The following FAAP100 variants were observed in gnomAD, a reference collection of about 807,000 sequenced individuals.
The protein encoded by FAAP100 is FA core complex associated protein 100.
A neutral mutation model predicts 65.8 loss-of-function variants in FAAP100; 46 were observed. That is an observed-to-expected ratio of 0.70 (90% CI 0.55 to 0.89). FAAP100 has a LOEUF of 0.89. FAAP100 is among the 40% of genes least tolerant of loss of function. The probability of loss-of-function intolerance (pLI) is 0.00; values close to 1 mark genes in which losing one functional copy is unlikely to be tolerated. For missense variants in FAAP100, 1,165 were observed against 1,196.7 expected (o/e 0.97, Z 0.39); for synonymous variants, 663 against 555.1 (o/e 1.19, Z -2.73).
chr17:81,552,360 C>T (rs758146418), upstream of FAAP100: 443 of 1,313,982 alleles, frequency 3.4e-4, no homozygotes, highest in Non-Finnish European at 4.0e-4. Context: ...GAGTGAGAAG[C>T]CCCGGCCGCG....
At chr17:81,547,718 C>A (rs747134214) in intron 4 of FAAP100, 40 bp from the exon 5 acceptor site, 1 of 1,593,748 alleles carries the variant, frequency 6.3e-7, no homozygotes. Context: ...CGGGGGGACA[C>A]CCACAGCACC....
rs1031881116 is a variant in FAAP100, at chr17:81,551,908, G to A, written c.290+20C>T. ...GGGCAGCAGGAGTGTGCGGGAGGGA[G>A]GCCGCGGGCCCGCCCTCACCTGCTC... On this transcript the variant is annotated intron_variant, in intron 2 of 8. Transcript: ENST00000327787. The A allele has an allele frequency of 1.3e-6, 2 of 1,534,610 alleles. No homozygotes were observed. The highest frequency in any genetic ancestry group is 2.8e-5 in the African/African-American group (2 of 70,598).
At position 81,547,488 on chromosome 17, in the gene FAAP100, T is replaced by C; in HGVS notation, c.1594A>G (p.Ser532Gly). Residue 532 changes from serine (S) to glycine (G), a missense_variant, in exon 5 of 9, where the codon AGC (serine) becomes GGC (glycine). By Grantham distance (56) the Ser-to-Gly change is moderately conservative (BLOSUM62 0). Transcript: ENST00000327787. ...CCCTGGTCCAGGCTGAAGCTGCTGCTGTTCTCTAGCACGCAGGTGGCCATG... is the reference window on the plus strand; with the variant it reads ...CCCTGGTCCAGGCTGAAGCTGCTGCCGTTCTCTAGCACGCAGGTGGCCATG... Reference protein sequence around the residue: ...VLMATCVLENSSSFSLDQGWT... With the variant: ...VLMATCVLENGSSFSLDQGWT... 1 of 1,613,380 alleles carries C rather than the reference T, an allele frequency of 6.2e-7. No homozygotes were observed. Among genetic ancestry groups the C allele is most frequent in the Non-Finnish European group, 8.5e-7 (1 of 1,180,018 alleles).
chr17:81,551,364 G>A (rs2033488749), intron 2 of FAAP100, among the ~76,000 whole-genome samples, 161 bp from the exon 3 acceptor site: 1 of 152,208 alleles, frequency 6.6e-6, no homozygotes, highest in African/African-American at 2.4e-5. Flanking sequence ...CCTTCCCCAC[G>A]AAGGATACTC....
rs1444055960 is a variant in FAAP100, at chr17:81,550,951, T to G, written c.543A>C (p.Pro181=). The change falls in exon 3 of 9, where the codon CCA becomes CCC. Residue 181 remains proline, a synonymous_variant. Coordinates refer to ENST00000327787, the MANE Select transcript of FAAP100 (RefSeq NM_025161.6). ...GEVELSSYTP[P]AGVPGKPAAP... Reference sequence around the variant, plus strand: ...CTGCAGGCTTTCCTGGGACCCCGGCTGGGGGCGTGTAGGAGGACAGCTCCA... The same window carrying G: ...CTGCAGGCTTTCCTGGGACCCCGGCGGGGGGCGTGTAGGAGGACAGCTCCA... The G allele has an allele frequency of 2.5e-6, 4 of 1,612,184 alleles. No individual in the cohort carries two copies. Among genetic ancestry groups the G allele is most frequent in the Non-Finnish European group, 3.4e-6 (4 of 1,179,694 alleles).
At chr17:81,543,876 C>G (rs983693557) in intron 7 of FAAP100, 128 bp downstream of exon 7, 31 of 862,630 alleles carry the variant, frequency 3.6e-5, no homozygotes, top group Middle Eastern at 2.4e-4. Context: ...GCAGAGCAGA[C>G]TTGGATCTTC....
In FAAP100 at chr17:81,547,238, G is replaced by A; in HGVS notation, c.1844C>T (p.Ala615Val). 1.3e-6 allele frequency: 2 copies of A among 1,586,172 alleles called. No homozygotes were observed. Among genetic ancestry groups the A allele is most frequent in the South Asian group, 2.3e-5 (2 of 87,252 alleles). ...AAAGGGGTCCTCAGAGTCTGAGGGG[G>A]CAAGGGCCCCGCCCACCACCTCCCT... is the stretch of plus-strand genomic sequence containing the variant. ...SLREVVGGAL[A>V]PSDSEDPFLD... Residue 615 changes from alanine to valine, a missense_variant, in exon 5 of 9, where the codon GCC becomes GTC. Physicochemically the swap from Ala to Val is moderately conservative, Grantham distance 64 (BLOSUM62 0). Transcript: ENST00000327787.
chr17:81,550,934 T>C lies in FAAP100; in HGVS notation c.560A>G (p.Lys187Arg), dbSNP rs1244363382. 1 of 1,612,218 alleles carries C rather than the reference T, an allele frequency of 6.2e-7. No homozygotes were observed. Among genetic ancestry groups the C allele is most frequent in the East Asian group, 2.2e-5 (1 of 44,890 alleles). ...SYTPPAGVPGKPAAPHFLPVL... is the reference protein window; with the variant it reads ...SYTPPAGVPGRPAAPHFLPVL... Reference sequence around the variant, plus strand: ...TGGAAGGAAGTGGGGGGCTGCAGGCTTTCCTGGGACCCCGGCTGGGGGCGT... The same window carrying C: ...TGGAAGGAAGTGGGGGGCTGCAGGCCTTCCTGGGACCCCGGCTGGGGGCGT... Residue 187 changes from lysine (K) to arginine (R), a missense_variant, in exon 3 of 9, where the codon AAG becomes AGG. Coordinates refer to ENST00000327787, the MANE Select transcript of FAAP100 (RefSeq NM_025161.6).
In FAAP100 at chr17:81,551,197, C is replaced by G. The variant is rs565931836; in HGVS notation, c.297G>C (p.Thr99=). ...SLDHPGRSRS[T]SQDDRDSEDG... is the part of the protein sequence containing the mutation. Reference sequence around the variant, plus strand: ...CCTCGCTGTCCCTGTCATCCTGGCTCGTAGACCTTTGAGAACAGGGACGCA... The same window carrying G: ...CCTCGCTGTCCCTGTCATCCTGGCTGGTAGACCTTTGAGAACAGGGACGCA... Residue 99 remains threonine, a synonymous_variant, in exon 3 of 9, where the codon ACG becomes ACC. Transcript: ENST00000327787. 6.6e-7 allele frequency: 1 copy of G among 1,519,274 alleles called. No homozygotes were observed. The highest frequency in any genetic ancestry group is 8.9e-7 in the Non-Finnish European group (1 of 1,126,476). The allele number at this position is 1,519,274 out of a possible 1,614,324, so 94.1% of individuals were successfully genotyped here.
intron 6 of FAAP100, 29 bp from the exon 7 acceptor site, chr17:81,544,149 G>C: frequency 1.3e-6 from 2 of 1,559,972 alleles, no homozygotes. Flanking sequence ...CTCACTGCCT[G>C]CCTGTGGCAC....
chr17:81,546,117 C>T (rs1039768230), intron 5 of FAAP100, among the ~76,000 whole-genome samples: 2 of 152,236 alleles, frequency 1.3e-5, no homozygotes, highest in African/African-American at 4.8e-5. Flanking sequence ...GTGGCAGTTA[C>T]GATCTGTGGA....
rs765480611 is a variant in FAAP100, at chr17:81,550,836, G to A, written c.658C>T (p.Leu220=). 2 of 1,612,254 alleles carry A rather than the reference G, an allele frequency of 1.2e-6. No homozygotes were observed. The highest frequency in any genetic ancestry group is 1.7e-5 in the Admixed American group (1 of 59,900). The part of the protein sequence containing the change: ...DLLGGSGGFT[L]EDALFGLLFG... ...AGGAGCCCGAAGAGGGCGTCCTCCA[G>A]CGTGAAGCCCCCGGAGCCCCCGAGG... Residue 220 remains leucine (L), a synonymous_variant, in exon 3 of 9, where the codon CTG becomes TTG. Transcript: ENST00000327787.
chr17:81,546,613 C>T (rs947768069), intron 5 of FAAP100: 1 of 351,650 alleles, frequency 2.8e-6, no homozygotes. Flanking sequence ...GCAGGCGAAG[C>T]TCATTTCCTG....
At position 81,540,833 on chromosome 17, in the gene FAAP100, G is replaced by C. The variant is rs776815285; in HGVS notation, c.2632C>G (p.Leu878Val). ...QVYRQLRHPS[L>V]ILL The stretch of plus-strand genomic sequence containing the variant: ...GGCCCGCCTGGTCACAGCAGGATGA[G>C]GCTGGGGTGGCGCAGCTGCCGGTAC... The change falls in exon 9 of 9, where the codon CTC becomes GTC. Residue 878 changes from leucine (L) to valine (V), a missense_variant. Physicochemically the swap from Leu to Val is conservative, Grantham distance 32. Transcript: ENST00000327787. The C allele has an allele frequency of 2.0e-6, 3 of 1,536,056 alleles. No homozygotes were observed. The highest frequency in any genetic ancestry group is 4.9e-5 in the East Asian group (2 of 40,852).
chr17:81,540,735 C>G lies in FAAP100; in HGVS notation c.*84G>C. 7.1e-7 allele frequency: 1 copy of G among 1,408,030 alleles called. No individual in the cohort carries two copies. The highest frequency in any genetic ancestry group is 2.6e-5 in the East Asian group (1 of 38,490). The allele number at this position is 1,408,030 out of a possible 1,614,324, so 87.2% of individuals were successfully genotyped here. On this transcript the variant is annotated 3_prime_UTR_variant, in exon 9 of 9. Coordinates refer to ENST00000327787, the MANE Select transcript of FAAP100 (RefSeq NM_025161.6). The stretch of plus-strand genomic sequence containing the variant: ...CCTGACGGCTCTGGCCAGGCCAGCT[C>G]GGTTTCCCTCTAACCCATGAGGCCT...
Position 81,550,856 on chromosome 17 carries a change from C to G in FAAP100, c.638G>C (p.Gly213Ala), listed in dbSNP as rs1272908081. Residue 213 changes from glycine (G) to alanine (A), a missense_variant, in exon 3 of 9, where the codon GGG (glycine) becomes GCG (alanine). Transcript: ENST00000327787. ...CTCCAGCGTGAAGCCCCCGGAGCCC[C>G]CGAGGAGGTCGTGCGGGACCCTGGA... ...SGSRVPHDLLGGSGGFTLEDA... is the reference protein window; with the variant it reads ...SGSRVPHDLLAGSGGFTLEDA... 1 of 1,612,114 alleles carries G rather than the reference C, an allele frequency of 6.2e-7. No individual in the cohort carries two copies. Among genetic ancestry groups the G allele is most frequent in the Non-Finnish European group, 8.5e-7 (1 of 1,179,644 alleles).
At position 81,551,343 on chromosome 17, in the gene FAAP100, A is replaced by T. The variant is rs3924327; in HGVS notation, c.291-140T>A. 3 of 796,972 alleles carry T rather than the reference A, an allele frequency of 3.8e-6. No homozygotes were observed. The East Asian group carries it at 8.7e-5, about 23-fold the overall frequency. The allele number at this position is 796,972 out of a possible 1,614,324, so 49.4% of individuals were successfully genotyped here. ...GGCCGCTCAGCAGTCCATCTGCCACATGGCCTCCCACCTTCCCCACGAAGG... is the reference window on the plus strand; with the variant it reads ...GGCCGCTCAGCAGTCCATCTGCCACTTGGCCTCCCACCTTCCCCACGAAGG... On this transcript the variant is annotated intron_variant, in intron 2 of 8. Coordinates refer to ENST00000327787, the MANE Select transcript of FAAP100 (RefSeq NM_025161.6).
intron 4 of FAAP100, chr17:81,548,036 C>G (rs1487047674): frequency 1.5e-6 from 1 of 686,474 alleles, no homozygotes; most frequent in East Asian, 2.7e-5. Flanking sequence ...CATTACCCCA[C>G]CCTTGGCTCC....
At chr17:81,552,599 G>A (rs1444520304), upstream of FAAP100, among the ~76,000 whole-genome samples, 2 of 152,186 alleles carry the variant, frequency 1.3e-5, no homozygotes, top group Non-Finnish European at 2.9e-5. Flanking sequence ...AGCCCTCGGC[G>A]GCTTCATGGC....
Sources: gnomAD v4.1 joint callset for allele counts (sites outside exome capture counted in the v4.1 genomes callset) on GRCh38, gnomAD v4.1.1 for gene constraint, MANE v1.5 for transcripts, NCBI Gene and HGNC (gene_info 2026-07-23, HGNC 2026-07-21) for gene names.